Variants in RCAN2 observed in about 807,000 individuals in gnomAD.
The protein encoded by RCAN2 is regulator of calcineurin 2, also known as calcipressin-2.
RCAN2 carries 9 observed loss-of-function variants against 23.6 expected under a neutral mutation model. That is an observed-to-expected ratio of 0.38 (90% CI 0.23 to 0.67). RCAN2 has a LOEUF of 0.67. Ranked by LOEUF, RCAN2 falls within the 30% of genes least tolerant of loss-of-function variation. The probability of loss-of-function intolerance (pLI) is 0.51; values close to 1 mark genes in which losing one functional copy is unlikely to be tolerated. For missense variants in RCAN2, 273 were observed against 302.3 expected (o/e 0.90, Z 0.72); for synonymous variants, 109 against 115.7 (o/e 0.94, Z 0.37).
At chr6:46,410,053 T>G (rs1384070714) in intron 2 of RCAN2, among the ~76,000 whole-genome samples, 1 of 152,150 alleles carries the variant, frequency 6.6e-6, no homozygotes, top group African/African-American at 2.4e-5. Flanking sequence ...ACTCTTCTTC[T>G]CCTACCCTTG....
chr6:46,331,786 T>C (rs1012273050), intron 2 of RCAN2, among the ~76,000 whole-genome samples: 1 of 152,216 alleles, frequency 6.6e-6, no homozygotes, highest in Non-Finnish European at 1.5e-5. Flanking sequence ...AGATAACATA[T>C]GCCATGAGTT....
intron 4 of RCAN2, among the ~76,000 whole-genome samples, chr6:46,238,700 C>A (rs1379237343): frequency 6.6e-6 from 1 of 152,036 alleles, no homozygotes; most frequent in Non-Finnish European, 1.5e-5. Flanking sequence ...AGATGTGCAC[C>A]ACCACACCCA....
chr6:46,241,013 T>C (rs1422965131), intron 4 of RCAN2, among the ~76,000 whole-genome samples: 1 of 152,118 alleles, frequency 6.6e-6, no homozygotes, highest in Non-Finnish European at 1.5e-5. Context: ...GAAGAGACAA[T>C]GACTTTTCAT....
intron 2 of RCAN2, among the ~76,000 whole-genome samples, chr6:46,297,520 C>A (rs1762761898): frequency 1.3e-5 from 2 of 151,880 alleles, no homozygotes; most frequent in African/African-American, 2.4e-5. Flanking sequence ...CCCCGCTTTG[C>A]CTAAAGAAAG....
rs572475873 is a variant in RCAN2 at position 46,481,865 on chromosome 6, A to C, written c.-3+9308T>G. Among the ~76,000 whole-genome samples, 17 of 152,334 alleles carry C rather than the reference A, an allele frequency of 1.1e-4. No homozygotes were observed. In the East Asian group the frequency reaches 3.3e-3, roughly 29 times the overall value. ...AACCCTACAATTTGAGAATAACTTCATCTCGATATTAGCATAAACCAACCC... is the reference window on the plus strand; with the variant it reads ...AACCCTACAATTTGAGAATAACTTCCTCTCGATATTAGCATAAACCAACCC... On this transcript the variant is annotated intron_variant, in intron 1 of 4. Transcript: ENST00000371374.
chr6:46,440,228 G>C (rs1767496292), intron 2 of RCAN2, among the ~76,000 whole-genome samples: 1 of 152,130 alleles, frequency 6.6e-6, no homozygotes, highest in Non-Finnish European at 1.5e-5. Flanking sequence ...TCACATTTAA[G>C]AGTAAAACTT....
intron 2 of RCAN2, among the ~76,000 whole-genome samples, chr6:46,317,757 G>A (rs1004917592): frequency 2.0e-4 from 30 of 152,262 alleles, no homozygotes; most frequent in African/African-American, 5.3e-4. Context: ...AAGGCACCGC[G>A]CCCGGCCTAT....
At chr6:46,324,792 T>C (rs149216218) in intron 2 of RCAN2, among the ~76,000 whole-genome samples, 85 of 152,400 alleles carry the variant, frequency 5.6e-4, no homozygotes, top group African/African-American at 2.0e-3. Flanking sequence ...GAAATATTTA[T>C]GCCTAAACTT....
At chr6:46,344,502 A>AAT (rs137953813) in intron 2 of RCAN2, among the ~76,000 whole-genome samples, 3 of 151,516 alleles carry the variant, frequency 2.0e-5, no homozygotes, top group Admixed American at 1.3e-4. Context: ...AAAAGCAAAA[A>AAT]AATGAATTAT....
chr6:46,329,803 T>C (rs1301816219), intron 2 of RCAN2, among the ~76,000 whole-genome samples: 1 of 152,194 alleles, frequency 6.6e-6, no homozygotes, highest in Non-Finnish European at 1.5e-5. Flanking sequence ...GAGGAAAGGA[T>C]GCATTATGCA....
intron 2 of RCAN2, among the ~76,000 whole-genome samples, chr6:46,396,908 C>T (rs566135122): frequency 6.6e-4 from 101 of 152,050 alleles, no homozygotes; most frequent in African/African-American, 2.2e-3. Flanking sequence ...GGTCGGAGTT[C>T]GAGACCAGCC....
At chr6:46,355,310 T>C (rs1018963564) in intron 2 of RCAN2, among the ~76,000 whole-genome samples, 1 of 152,138 alleles carries the variant, frequency 6.6e-6, no homozygotes, top group South Asian at 2.1e-4. Flanking sequence ...CAGAAACAAG[T>C]GGCTCATGGA....
chr6:46,315,751 T>A (rs951952154), intron 2 of RCAN2, among the ~76,000 whole-genome samples: 7 of 152,246 alleles, frequency 4.6e-5, no homozygotes, highest in Admixed American at 1.3e-4. Flanking sequence ...TCCCTTTCCA[T>A]TAACTGAGTC....
At chr6:46,432,994 G>C (rs919462633) in intron 2 of RCAN2, among the ~76,000 whole-genome samples, 52 of 152,158 alleles carry the variant, frequency 3.4e-4, no homozygotes, top group Admixed American at 4.6e-4. Context: ...TTTGGAAGAG[G>C]AGGAGCCTTC....
chr6:46,248,885 C>T lies in RCAN2; in HGVS notation c.237G>A (p.Glu79=), dbSNP rs752115055. Residue 79 remains glutamate (E), a synonymous_variant, in exon 3 of 5, where the codon GAG becomes GAA. Transcript: ENST00000371374. The part of the protein sequence containing the change: ...FEGEESKEKF[E]GLFRTYDDCV... ...AGTCATCATAAGTCCGAAACAGTCC[C>T]TCAAATTTTTCCTGATAAAAACAAA... The T allele has an allele frequency of 6.2e-7, 1 of 1,602,008 alleles. No individual in the cohort carries two copies. The highest frequency in any genetic ancestry group is 1.1e-5 in the South Asian group (1 of 88,808).
At chr6:46,227,398 G>C (rs1036168613) in intron 4 of RCAN2, among the ~76,000 whole-genome samples, 1 of 152,166 alleles carries the variant, frequency 6.6e-6, no homozygotes, top group African/African-American at 2.4e-5. Context: ...GAATTTGGCT[G>C]TGAATACATC....
chr6:46,354,899 G>A (rs1211566004), intron 2 of RCAN2, among the ~76,000 whole-genome samples: 7 of 4,864 alleles, frequency 1.4e-3, no homozygotes, highest in African/African-American at 2.1e-3. Context: ...GATTATATAT[G>A]TGTGTGTGTG....
At chr6:46,397,629 G>A (rs1373930810) in intron 2 of RCAN2, among the ~76,000 whole-genome samples, 1 of 152,002 alleles carries the variant, frequency 6.6e-6, no homozygotes, top group East Asian at 1.9e-4. Context: ...AAAATGTTAT[G>A]CATTGATTTA....
At chr6:46,416,011 C>T (rs549956616) in intron 2 of RCAN2, among the ~76,000 whole-genome samples, 1 of 152,186 alleles carries the variant, frequency 6.6e-6, no homozygotes, top group East Asian at 1.9e-4. Context: ...TGTTGTTATG[C>T]TGTATTGTTT....
Sources: gnomAD v4.1 joint callset for allele counts (sites outside exome capture counted in the v4.1 genomes callset) on GRCh38, gnomAD v4.1.1 for gene constraint, MANE v1.5 for transcripts, NCBI Gene and HGNC (gene_info 2026-07-23, HGNC 2026-07-21) for gene names.